The following PPM1H variants were observed in gnomAD, a reference collection of about 807,000 sequenced individuals.
PPM1H encodes protein phosphatase, Mg2+/Mn2+ dependent 1H.
Under a neutral mutation model 54.9 loss-of-function variants are expected in PPM1H, and 27 were observed. That is an observed-to-expected ratio of 0.49 (90% CI 0.36 to 0.68). The LOEUF (loss-of-function observed/expected upper bound fraction) is 0.68, where lower values mean the gene tolerates loss of function less well. Among genes scored for constraint, PPM1H ranks in the 30% least tolerant of loss-of-function variants. The pLI, the probability that PPM1H is intolerant of heterozygous loss-of-function variation, is 0.00. For synonymous variants in PPM1H, 305 were observed against 270.8 expected (o/e 1.13, Z -1.24); for missense variants, 596 against 667.8 (o/e 0.89, Z 1.19).
At chr12:62,736,209 C>T (rs2076348676) in intron 5 of PPM1H, among the ~76,000 whole-genome samples, 2 of 152,150 alleles carry the variant, frequency 1.3e-5, no homozygotes, top group South Asian at 4.2e-4. Flanking sequence ...CCCTTGGTGG[C>T]CCTATCGTCC....
At chr12:62,791,175 C>T (rs936543910) in intron 3 of PPM1H, among the ~76,000 whole-genome samples, 3 of 152,228 alleles carry the variant, frequency 2.0e-5, no homozygotes, top group Middle Eastern at 3.4e-3. Flanking sequence ...TGCCAACGCT[C>T]GCTGAGATAA....
intron 2 of PPM1H, among the ~76,000 whole-genome samples, chr12:62,827,454 T>G (rs1003305372): frequency 6.6e-6 from 1 of 152,190 alleles, no homozygotes; most frequent in African/African-American, 2.4e-5. Context: ...CCTCTAGGTT[T>G]GGACTCCTGG....
At chr12:62,705,971 C>T (rs775877593) in intron 6 of PPM1H, among the ~76,000 whole-genome samples, 5 of 152,198 alleles carry the variant, frequency 3.3e-5, no homozygotes, top group African/African-American at 4.8e-5. Context: ...TCGGCCCTTG[C>T]GGCTTTCCCT....
intron 4 of PPM1H, among the ~76,000 whole-genome samples, chr12:62,769,323 G>C (rs2076564230): frequency 6.6e-6 from 1 of 152,220 alleles, no homozygotes; most frequent in Non-Finnish European, 1.5e-5. Context: ...TCCCTAACCA[G>C]AATACCGCTT....
intron 1 of PPM1H, among the ~76,000 whole-genome samples, chr12:62,923,345 T>C (rs2121172459): frequency 6.6e-6 from 1 of 152,246 alleles, no homozygotes; most frequent in East Asian, 1.9e-4. Context: ...GTCATATGGG[T>C]GTTAAGTCTA....
chr12:62,666,559 T>A (rs1365898950), intron 9 of PPM1H, among the ~76,000 whole-genome samples: 1 of 152,164 alleles, frequency 6.6e-6, no homozygotes, highest in Non-Finnish European at 1.5e-5. Flanking sequence ...ATCAACAGGA[T>A]CAGAAATGGG....
At position 62,692,932 on chromosome 12, in the gene PPM1H, G is replaced by GACACACACACACACACACAC. The variant is rs71278272; in HGVS notation, c.1137+984_1137+1003dup. On this transcript the variant is annotated intron_variant, in intron 7 of 9. Transcript: ENST00000228705. Reference sequence around the variant, plus strand: ...ATGTTTGTTCTCTTGCTTTTGCTCTGACACACACACACACACACACACACA... The same window carrying GACACACACACACACACACAC: ...ATGTTTGTTCTCTTGCTTTTGCTCTGACACACACACACACACACACACACACACACACACACACACACACA... 6.8e-3 allele frequency among the ~76,000 whole-genome samples: 993 copies of GACACACACACACACACACAC among 146,788 alleles called. 13 individuals carry two copies. The highest frequency in any genetic ancestry group is 0.024 in the African/African-American group (926 of 39,048).
chr12:62,778,966 G>T (rs1048915161), intron 4 of PPM1H, among the ~76,000 whole-genome samples: 9 of 151,296 alleles, frequency 5.9e-5, no homozygotes, highest in Non-Finnish European at 3.0e-5. Context: ...GAAAAGAAAG[G>T]AAGAAAGGGA....
chr12:62,820,613 T>C (rs1212093434), intron 2 of PPM1H, among the ~76,000 whole-genome samples: 1 of 152,156 alleles, frequency 6.6e-6, no homozygotes. Context: ...CCGCTGGTGA[T>C]ACCTAAGCAA....
rs1056711175 is a variant in PPM1H, at chr12:62,935,004, G to A, written c.-268C>T. On this transcript the variant is annotated 5_prime_UTR_variant, in exon 1 of 10. Coordinates refer to ENST00000228705, the MANE Select transcript of PPM1H (RefSeq NM_020700.2). ...GGGCCGACCGGGGGAGTCACCGCGCGCTCCAGGAGCGCCCAGGCGGCTGCA... is the reference window on the plus strand; with the variant it reads ...GGGCCGACCGGGGGAGTCACCGCGCACTCCAGGAGCGCCCAGGCGGCTGCA... 4.5e-6 allele frequency: 1 copy of A among 223,634 alleles called. No homozygotes were observed. The highest frequency in any genetic ancestry group is 2.3e-5 in the African/African-American group (1 of 43,594). The allele number at this position is 223,634 out of a possible 1,614,324, so 13.9% of individuals were successfully genotyped here.
At chr12:62,755,413 A>G in intron 4 of PPM1H, 1 of 728,170 alleles carries the variant, frequency 1.4e-6, no homozygotes, top group South Asian at 1.4e-5. Context: ...CAAGGCTGAG[A>G]ATGGGAAGCT....
chr12:62,763,900 T>C (rs2120620847), intron 4 of PPM1H, among the ~76,000 whole-genome samples: 1 of 152,226 alleles, frequency 6.6e-6, no homozygotes, highest in East Asian at 1.9e-4. Flanking sequence ...CTTTTGAACA[T>C]GTGGGGTGAG....
At chr12:62,710,012 G>A (rs781602524) in intron 6 of PPM1H, among the ~76,000 whole-genome samples, 7 of 152,150 alleles carry the variant, frequency 4.6e-5, no homozygotes, top group Non-Finnish European at 7.3e-5. Context: ...GGAGGTTGCA[G>A]TGAGCCGAGA....
intron 1 of PPM1H, among the ~76,000 whole-genome samples, chr12:62,901,544 T>C (rs1372522256): frequency 6.6e-6 from 1 of 152,212 alleles, no homozygotes; most frequent in African/African-American, 2.4e-5. Context: ...TCTAAAATTA[T>C]ATACGTCTTT....
At chr12:62,843,187 G>A (rs1470714771) in intron 1 of PPM1H, among the ~76,000 whole-genome samples, 3 of 152,022 alleles carry the variant, frequency 2.0e-5, no homozygotes, top group Admixed American at 6.5e-5. Context: ...ATGGTGGTGC[G>A]TGCGTATAGT....
chr12:62,932,223 A>T (rs1872161458), intron 1 of PPM1H, among the ~76,000 whole-genome samples: 1 of 152,042 alleles, frequency 6.6e-6, no homozygotes, highest in Non-Finnish European at 1.5e-5. Flanking sequence ...TATTCTAGGA[A>T]AAAAAAATTA....
In PPM1H at chr12:62,852,815, C is replaced by T. The variant is rs147017208; in HGVS notation, c.246-20536G>A. Among the ~76,000 whole-genome samples, 746 of 152,274 alleles carry T rather than the reference C, an allele frequency of 4.9e-3. 6 individuals are homozygous for T. The highest frequency in any genetic ancestry group is 0.017 in the African/African-American group (693 of 41,558). ...CATGGGTCCTGTGAGTGGGATGACC[C>T]GGCACTGCATGAGTGGGATACATCT... On this transcript the variant is annotated intron_variant, in intron 1 of 9. Transcript: ENST00000228705.
rs566088475 is a variant in PPM1H at position 62,646,254 on chromosome 12, G to A, written c.*2235C>T. The A allele has an allele frequency of 2.6e-5, 4 of 152,274 alleles. No individual in the cohort carries two copies. Among genetic ancestry groups the A allele is most frequent in the Non-Finnish European group, 5.9e-5 (4 of 68,036 alleles). 9.4% of individuals were successfully genotyped at this position (152,274 alleles called of 1,614,324 possible). On this transcript the variant is annotated 3_prime_UTR_variant, in exon 10 of 10. Coordinates refer to ENST00000228705, the MANE Select transcript of PPM1H (RefSeq NM_020700.2). ...AGGTTTCTAGAGTTATTCCTGAGAC[G>A]TGCCATAGCAGTAAATGAATTGGTG...
At chr12:62,686,075 A>T (rs776400739) in intron 8 of PPM1H, among the ~76,000 whole-genome samples, 3 of 152,182 alleles carry the variant, frequency 2.0e-5, no homozygotes, top group Non-Finnish European at 4.4e-5. Flanking sequence ...ACGAATGCTG[A>T]AGTGACCAAC....
Sources: allele counts gnomAD v4.1 joint callset (sites outside exome capture counted in the v4.1 genomes callset), GRCh38; gene constraint gnomAD v4.1.1; transcripts MANE v1.5; gene names NCBI Gene and HGNC (gene_info 2026-07-23, HGNC 2026-07-21).